COL24A1: variants seen among roughly 807,000 people sequenced by gnomAD.
COL24A1 encodes the protein collagen alpha-1(XXIV) chain.
COL24A1 carries 224 observed loss-of-function variants against 253.9 expected under a neutral mutation model. That is an observed-to-expected ratio of 0.88 (90% CI 0.79 to 0.99). The LOEUF is 0.99. Among genes scored for constraint, COL24A1 ranks in the 50% least tolerant of loss-of-function variants. COL24A1 has a pLI of 0.00. For synonymous variants in COL24A1, 685 were observed against 673.7 expected (o/e 1.02, Z -0.26); for missense variants, 2,131 against 2,068.5 (o/e 1.03, Z -0.59).
At chr1:86,093,083 TCTC>T (rs1423610705) in intron 5 of COL24A1, among the ~76,000 whole-genome samples, 3 of 152,066 alleles carry the variant, frequency 2.0e-5, no homozygotes, top group Non-Finnish European at 4.4e-5. Flanking sequence ...AATAAATAAT[TCTC>T]CTTCCTAGAT....
At chr1:86,015,109 G>C (rs1696873305) in intron 19 of COL24A1, among the ~76,000 whole-genome samples, 1 of 152,166 alleles carries the variant, frequency 6.6e-6, no homozygotes, top group Admixed American at 6.6e-5. Flanking sequence ...TTTATTAAAA[G>C]CCTAATGTTG....
rs760725441 is a variant in COL24A1, at chr1:86,146,194, A to T, written c.57-11T>A. 1.2e-6 allele frequency: 2 copies of T among 1,607,514 alleles called. No homozygotes were observed. The highest frequency in any genetic ancestry group is 4.5e-5 in the East Asian group (2 of 44,692). Reference sequence around the variant, plus strand: ...TGAAGAAGTGATTTCCTAGGAAAAGAAAAAAGCATTTGGGAAAAACTTACT... The same window carrying T: ...TGAAGAAGTGATTTCCTAGGAAAAGTAAAAAGCATTTGGGAAAAACTTACT... On this transcript the variant is annotated splice_polypyrimidine_tract_variant and intron_variant, in intron 1 of 59. Transcript: ENST00000370571.
At chr1:86,038,771 T>A (rs1436590281) in intron 12 of COL24A1, among the ~76,000 whole-genome samples, 1 of 152,022 alleles carries the variant, frequency 6.6e-6, no homozygotes, top group Non-Finnish European at 1.5e-5. Context: ...TGGAGAGGTC[T>A]CCATGGGGAG....
chr1:85,845,725 C>A (rs1437065783), intron 39 of COL24A1, among the ~76,000 whole-genome samples: 2 of 151,656 alleles, frequency 1.3e-5, no homozygotes, highest in Non-Finnish European at 3.0e-5. Context: ...TATATTAACA[C>A]TGAGAATAAA....
intron 35 of COL24A1, among the ~76,000 whole-genome samples, chr1:85,872,895 A>G (rs1200952934): frequency 6.6e-6 from 1 of 152,228 alleles, no homozygotes; most frequent in Non-Finnish European, 1.5e-5. Context: ...ATCAGAGTGA[A>G]CAGGCAACCT....
At chr1:85,732,584 C>T (rs1663613159) in intron 59 of COL24A1, among the ~76,000 whole-genome samples, 2 of 152,268 alleles carry the variant, frequency 1.3e-5, no homozygotes, top group Non-Finnish European at 2.9e-5. Context: ...CTGCGATTAT[C>T]TAATTAGCTG....
chr1:85,760,477 T>G (rs1328855592), intron 55 of COL24A1, among the ~76,000 whole-genome samples: 2 of 152,138 alleles, frequency 1.3e-5, no homozygotes, highest in Non-Finnish European at 2.9e-5. Context: ...GTCTTCCTTG[T>G]GGCACTTTGC....
chr1:85,760,561 A>G (rs1379450198), intron 55 of COL24A1, among the ~76,000 whole-genome samples: 2 of 152,196 alleles, frequency 1.3e-5, no homozygotes, highest in African/African-American at 4.8e-5. Context: ...AGTAGACCAC[A>G]GGAAACCACC....
At chr1:85,775,182 T>G (rs1668407471) in intron 53 of COL24A1, among the ~76,000 whole-genome samples, 1 of 152,194 alleles carries the variant, frequency 6.6e-6, no homozygotes, top group South Asian at 2.1e-4. Context: ...TGTGCAGTTT[T>G]GAGTGAGATT....
At chr1:85,787,993 C>G (rs1669862941) in intron 47 of COL24A1, among the ~76,000 whole-genome samples, 1 of 150,842 alleles carries the variant, frequency 6.6e-6, no homozygotes, top group African/African-American at 2.4e-5. Flanking sequence ...TGATGCTGAG[C>G]TTTTTTTTGA....
chr1:86,053,962 T>C (rs1053304238), intron 10 of COL24A1, among the ~76,000 whole-genome samples: 1 of 152,090 alleles, frequency 6.6e-6, no homozygotes, highest in Non-Finnish European at 1.5e-5. Context: ...TTTAAGTTAA[T>C]GCTAAAAATC....
At chr1:86,129,808 C>G (rs1047731913) in intron 2 of COL24A1, among the ~76,000 whole-genome samples, 1 of 151,696 alleles carries the variant, frequency 6.6e-6, no homozygotes, top group East Asian at 1.9e-4. Context: ...CATAAGTGGT[C>G]AATTTTCAAT....
At chr1:85,748,606 T>C (rs1014009275) in intron 55 of COL24A1, among the ~76,000 whole-genome samples, 1 of 150,098 alleles carries the variant, frequency 6.7e-6, no homozygotes, top group Non-Finnish European at 1.5e-5. Context: ...GATTTCTGCA[T>C]TTCCATCTGA....
At chr1:85,740,844 TCACGCCTGTAATCCCAG>T (rs1664535692) in intron 57 of COL24A1, among the ~76,000 whole-genome samples, 2 of 142,982 alleles carry the variant, frequency 1.4e-5, no homozygotes, top group Non-Finnish European at 3.1e-5. Context: ...GCACGGTGGC[TCACGCCTGTAATCCCAG>T]CACTTTGGGA....
chr1:86,128,156 C>A (rs925986631), intron 2 of COL24A1, among the ~76,000 whole-genome samples: 2 of 152,028 alleles, frequency 1.3e-5, no homozygotes, highest in African/African-American at 4.8e-5. Context: ...TATGTTTTAT[C>A]ATCATAATTC....
At chr1:86,033,997 T>G in intron 12 of COL24A1, 74 bp from the exon 13 acceptor site, 1 of 1,163,244 alleles carries the variant, frequency 8.6e-7, no homozygotes, top group South Asian at 1.7e-5. Flanking sequence ...AACAAAGAAT[T>G]TAGTAATAGA....
At chr1:86,110,502 C>A (rs1705440359) in intron 5 of COL24A1, among the ~76,000 whole-genome samples, 1 of 152,034 alleles carries the variant, frequency 6.6e-6, no homozygotes, top group Admixed American at 6.5e-5. Context: ...GTGGAAGGCC[C>A]TCTCCGTGCT....
rs780619246 is a variant in COL24A1 at position 85,783,506 on chromosome 1, A to G, written c.4274T>C (p.Ile1425Thr). The G allele has an allele frequency of 1.9e-6, 3 of 1,613,402 alleles. No individual in the cohort carries two copies. Among genetic ancestry groups the G allele is most frequent in the Admixed American group, 1.7e-5 (1 of 59,982 alleles). The change falls in exon 51 of 60, where the codon ATT becomes ACT. Residue 1425 changes from isoleucine to threonine, a missense_variant. Ile to Thr is a moderately conservative substitution (Grantham distance 89). Coordinates refer to ENST00000370571, the MANE Select transcript of COL24A1 (RefSeq NM_152890.7). ...TGACTTTACACTTACTCTGTGTCCA[A>G]TAGGACCTTTAGGACCTGATATCCC... is the stretch of plus-strand genomic sequence containing the variant. Reference protein sequence around the residue: ...IVGISGPKGPIGHRGNTGPLG... With the variant: ...IVGISGPKGPTGHRGNTGPLG...
intron 53 of COL24A1, among the ~76,000 whole-genome samples, chr1:85,773,886 G>A (rs1244537354): frequency 2.6e-5 from 4 of 152,158 alleles, no homozygotes; most frequent in East Asian, 3.9e-4. Context: ...TGATTTCCCT[G>A]GCCAGAACTT....
Sources: allele counts gnomAD v4.1 joint callset (sites outside exome capture counted in the v4.1 genomes callset), GRCh38; gene constraint gnomAD v4.1.1; transcripts MANE v1.5; gene names NCBI Gene and HGNC (gene_info 2026-07-23, HGNC 2026-07-21).